The following ZNF711 variants were observed in gnomAD, a reference collection of about 807,000 sequenced individuals.
The protein encoded by ZNF711 is zinc finger protein 711.
In ZNF711, 3 loss-of-function variants were observed where a neutral mutation model predicts 43.5. The ratio of observed to expected loss-of-function variants is 0.07; its 90% CI spans 0.03 to 0.18. The LOEUF (loss-of-function observed/expected upper bound fraction) is 0.18. ZNF711 is among the 10% of genes least tolerant of loss of function. ZNF711 has a pLI of 1.00. For missense variants in ZNF711, 412 were observed against 604.0 expected (o/e 0.68, Z 3.33); for synonymous variants, 209 against 207.7 (o/e 1.01, Z -0.06).
intron 8 of ZNF711, 85 bp downstream of exon 8, chrX:85,267,500 C>A: frequency 1.3e-6 from 1 of 764,945 alleles, no homozygotes; most frequent in Non-Finnish European, 1.7e-6. Context: ...TTTGTGAATG[C>A]CACCATGAAT....
At chrX:85,266,255 T>G (rs1248650317) in intron 7 of ZNF711, among the ~76,000 whole-genome samples, 1 of 111,652 alleles carries the variant, frequency 9.0e-6, no homozygotes, top group African/African-American at 3.3e-5. Context: ...CCCAAACAGC[T>G]GAAAATATCA....
At chrX:85,252,172 T>C (rs1185504389) in intron 4 of ZNF711, among the ~76,000 whole-genome samples, 1 of 112,442 alleles carries the variant, frequency 8.9e-6, no homozygotes, top group Non-Finnish European at 1.9e-5. Flanking sequence ...AGTAATCTGC[T>C]GCTACCCTGT....
chrX:85,269,358 TTTTC>T (rs760414710), intron 9 of ZNF711, among the ~76,000 whole-genome samples: 58 of 109,495 alleles, frequency 5.3e-4, no homozygotes, highest in Non-Finnish European at 8.9e-4. Context: ...TTTTTTTTCT[TTTTC>T]TTTCTTTCTT....
At chrX:85,247,452 G>T in intron 3 of ZNF711, 95 bp from the exon 4 acceptor site, 1 of 527,181 alleles carries the variant, frequency 1.9e-6, no homozygotes. Context: ...TTCCACACTT[G>T]GTTGAAAGGC....
At chrX:85,257,158 C>T (rs757095664) in intron 5 of ZNF711, among the ~76,000 whole-genome samples, 1 of 111,920 alleles carries the variant, frequency 8.9e-6, no homozygotes, top group African/African-American at 3.2e-5. Context: ...ATAACTACCT[C>T]ATATATCAAA....
chrX:85,244,130 G>GGCGGCGGCGGCGGCGGCA lies in ZNF711; in HGVS notation c.-455_-438dup, dbSNP rs1320846559. 6.8e-6 allele frequency: 1 copy of GGCGGCGGCGGCGGCGGCA among 147,987 alleles called. No homozygotes were observed. The highest frequency in any genetic ancestry group is 1.2e-5 in the Non-Finnish European group (1 of 80,015). 12.2% of individuals were successfully genotyped at this position (147,987 alleles called of 1,213,427 possible). A position where few individuals can be genotyped will look rare whatever the true frequency, so the allele number is the denominator to read the frequency against. On this transcript the variant is annotated 5_prime_UTR_variant, in exon 1 of 11. Transcript: ENST00000674551. ...GTCCGACTGGCGGCACGGAGGCGGC[G>GGCGGCGGCGGCGGCGGCA]GCGGCGGCGGCGGCGGCAGCGGCGG...
chrX:85,251,043 T>C (rs995967718), intron 4 of ZNF711, among the ~76,000 whole-genome samples: 4 of 111,477 alleles, frequency 3.6e-5, no homozygotes, highest in African/African-American at 1.3e-4. Context: ...ATTTCTAAAT[T>C]CTAAAATTTC....
At chrX:85,254,887 A>G (rs1929980400) in intron 4 of ZNF711, among the ~76,000 whole-genome samples, 1 of 111,567 alleles carries the variant, frequency 9.0e-6, no homozygotes. Flanking sequence ...GTTTGCACCA[A>G]TAACGTTTGA....
In ZNF711 at chrX:85,262,721, C is replaced by T. The variant is rs767859739; in HGVS notation, c.623-1554C>T. Among the ~76,000 whole-genome samples, 7 of 110,401 alleles carry T rather than the reference C, an allele frequency of 6.3e-5. No individual in the cohort carries two copies. The South Asian group carries it at 2.6e-3, about 41-fold the overall frequency. On this transcript the variant is annotated intron_variant, in intron 5 of 10. Coordinates refer to ENST00000674551, the MANE Select transcript of ZNF711 (RefSeq NM_001330574.2). ...TCATTTGGATGCTATCTTTCATAGA[C>T]AGTAAGCTATTAAAATTTGGAAGTA...
chrX:85,258,582 A>C (rs1005557934), intron 5 of ZNF711, among the ~76,000 whole-genome samples: 1 of 109,944 alleles, frequency 9.1e-6, no homozygotes, highest in African/African-American at 3.3e-5. Context: ...TAATAATAAT[A>C]ATAATAATGA....
At chrX:85,254,536 A>G (rs866763386) in intron 4 of ZNF711, among the ~76,000 whole-genome samples, 54 of 50,267 alleles carry the variant, frequency 1.1e-3, no homozygotes, top group African/African-American at 3.7e-3. Context: ...GAACCCGGGA[A>G]GCGGAGCTTG....
chrX:85,259,039 A>C (rs1205522316), intron 5 of ZNF711, among the ~76,000 whole-genome samples: 1 of 111,109 alleles, frequency 9.0e-6, no homozygotes, highest in Non-Finnish European at 1.9e-5. Context: ...TTATGTCTAG[A>C]GGTTTTATCT....
At chrX:85,247,309 C>CTCA (rs1305789942) in intron 3 of ZNF711, 121 bp downstream of exon 3, 1 of 341,532 alleles carries the variant, frequency 2.9e-6, no homozygotes, top group Non-Finnish European at 5.0e-6. Context: ...TTCCCTATGG[C>CTCA]TCATCAGCTT....
At chrX:85,270,594 T>C (rs758899852) in intron 10 of ZNF711, 57 bp from the exon 11 acceptor site, 1 of 1,061,241 alleles carries the variant, frequency 9.4e-7, no homozygotes. Flanking sequence ...ACCTTTGTTA[T>C]AAAATCCTTT....
chrX:85,248,472 C>CA (rs1166126484), intron 4 of ZNF711, among the ~76,000 whole-genome samples: 811 of 19,604 alleles, frequency 0.041, 43 homozygotes, highest in African/African-American at 0.076. Context: ...GACTCAGTCT[C>CA]AAAAAAAAAA....
intron 4 of ZNF711, among the ~76,000 whole-genome samples, chrX:85,253,407 C>T (rs979292178): frequency 2.7e-5 from 3 of 111,056 alleles, no homozygotes; most frequent in Non-Finnish European, 5.7e-5. Flanking sequence ...TATTAGTATC[C>T]TTTTACGTTT....
intron 7 of ZNF711, 73 bp downstream of exon 7, chrX:85,265,328 C>G (rs1286921742): frequency 1.9e-6 from 2 of 1,074,829 alleles, no homozygotes; most frequent in South Asian, 1.9e-5. Flanking sequence ...CTCAGAGATA[C>G]AAGCACTGTA....
chrX:85,257,514 A>G lies in ZNF711; in HGVS notation c.622+1713A>G, dbSNP rs112168088. Among the ~76,000 whole-genome samples the G allele has an allele frequency of 7.0e-3, 790 of 112,251 alleles. 4 individuals carry two copies. The highest frequency in any genetic ancestry group is 0.024 in the African/African-American group (734 of 30,948). On this transcript the variant is annotated intron_variant, in intron 5 of 10. Transcript: ENST00000674551. ...AAAGGACGTGATTTCTTCTTTTCTT[A>G]CGGCTGTGTAGTATTCTGTGGTGTA...
At position 85,264,402 on chromosome X, in the gene ZNF711, A is replaced by G; in HGVS notation, c.750A>G (p.Lys250=). 1 of 1,206,441 alleles carries G rather than the reference A, an allele frequency of 8.3e-7. No individual in the cohort carries two copies. Among genetic ancestry groups the G allele is most frequent in the Non-Finnish European group, 1.1e-6 (1 of 892,718 alleles). The change falls in exon 6 of 11, where the codon AAA becomes AAG. Residue 250 remains lysine (K), a synonymous_variant. Transcript: ENST00000674551. The stretch of plus-strand genomic sequence containing the variant: ...AAGTTATAAAAGTGTATATATTTAA[A>G]GCGGAGGCTGAAGATGATGTTGAAA... ...GSEVIKVYIF[K]AEAEDDVEIG...
Sources: allele counts gnomAD v4.1 joint callset (sites outside exome capture counted in the v4.1 genomes callset), GRCh38; gene constraint gnomAD v4.1.1; transcripts MANE v1.5; gene names NCBI Gene and HGNC (gene_info 2026-07-23, HGNC 2026-07-21).